DRICH1: variants seen among roughly 807,000 people sequenced by gnomAD.
The protein encoded by DRICH1 is aspartate-rich protein 1.
Under a neutral mutation model 39.5 loss-of-function variants are expected in DRICH1, and 38 were observed. The ratio of observed to expected loss-of-function variants is 0.96; its 90% CI spans 0.74 to 1.26. DRICH1 has a LOEUF of 1.26. DRICH1 is among the 50% of genes most tolerant of loss of function. DRICH1 has a pLI of 0.00. For missense variants in DRICH1, 279 were observed against 270.4 expected (o/e 1.03, Z -0.22); for synonymous variants, 84 against 99.5 (o/e 0.84, Z 0.93).
intron 2 of DRICH1, among the ~76,000 whole-genome samples, chr22:23,625,714 AT>A (rs746504238): frequency 2.0e-5 from 3 of 152,014 alleles, no homozygotes; most frequent in Non-Finnish European, 4.4e-5. Flanking sequence ...CTACCCAACA[AT>A]CGATGTGTGA....
At chr22:23,631,725 C>T (rs3747105) in intron 1 of DRICH1, 91 bp downstream of exon 1, 264,585 of 1,051,986 alleles carry the variant, frequency 0.25, 34,020 homozygotes, top group East Asian at 0.34. Context: ...GAGCTGGAAG[C>T]TGAGGATGTC....
chr22:23,621,446 C>A (rs142892813), intron 4 of DRICH1, among the ~76,000 whole-genome samples: 2,181 of 152,006 alleles, frequency 0.014, 59 homozygotes, highest in African/African-American at 0.049. Context: ...TAAAGCCCCT[C>A]CCCAACAATC....
At chr22:23,588,963 C>A in the DRICH1 span, among the ~76,000 whole-genome samples, 162 of 152,226 alleles carry the variant, frequency 1.1e-3, no homozygotes, top group Non-Finnish European at 1.7e-3. Flanking sequence ...CTAGCAACAT[C>A]ATGCTTCTGC....
At chr22:23,609,249 TTATC>T (rs1450783667) in intron 11 of DRICH1, among the ~76,000 whole-genome samples, 2 of 152,204 alleles carry the variant, frequency 1.3e-5, no homozygotes, top group Non-Finnish European at 2.9e-5. Context: ...CACTGACTGT[TTATC>T]TGTGGAGTCT....
chr22:23,604,594 T>C (rs1365548493), downstream of DRICH1, among the ~76,000 whole-genome samples: 1 of 152,110 alleles, frequency 6.6e-6, no homozygotes, highest in Non-Finnish European at 1.5e-5. Context: ...GTTTTAACCC[T>C]CCCCTGACAG....
At chr22:23,594,896 C>T in the DRICH1 span, among the ~76,000 whole-genome samples, 1 of 151,670 alleles carries the variant, frequency 6.6e-6, no homozygotes, top group South Asian at 2.1e-4. Flanking sequence ...GAGGGAGGAG[C>T]CCCTTTGAAA....
At chr22:23,619,186 A>G (rs1293345217) in intron 6 of DRICH1, among the ~76,000 whole-genome samples, 178 bp downstream of exon 6, 9 of 151,816 alleles carry the variant, frequency 5.9e-5, no homozygotes, top group Non-Finnish European at 8.8e-5. Context: ...AAAAAAAAAA[A>G]AAAGAAAAAG....
the DRICH1 span, among the ~76,000 whole-genome samples, chr22:23,587,187 C>T: frequency 6.6e-6 from 1 of 152,150 alleles, no homozygotes; most frequent in Admixed American, 6.5e-5. Flanking sequence ...TGCCGGGTGC[C>T]CCTCCCCCCA....
intron 8 of DRICH1, among the ~76,000 whole-genome samples, chr22:23,616,597 A>C (rs1228177239): frequency 6.6e-6 from 1 of 152,122 alleles, no homozygotes; most frequent in African/African-American, 2.4e-5. Context: ...AGAACCACCA[A>C]CATCAGGATA....
chr22:23,626,862 G>A (rs140513646), intron 1 of DRICH1, among the ~76,000 whole-genome samples: 5,073 of 152,108 alleles, frequency 0.033, 120 homozygotes, highest in Non-Finnish European at 0.051. Flanking sequence ...CCTTCCACTG[G>A]CCCATTACAG....
chr22:23,613,202 C>A (rs754110160), intron 11 of DRICH1, 87 bp downstream of exon 11: 25 of 945,876 alleles, frequency 2.6e-5, no homozygotes, highest in Non-Finnish European at 4.0e-5. Context: ...CCCCCTCCTT[C>A]AGCCCCTCCT....
In DRICH1 at chr22:23,631,958, G is replaced by A; in HGVS notation, c.66C>T (p.Pro22=). ...AAATATCAGTATCAGATTCATAACAGGGTGCGTCCTTCCCCCTGGGCCAGC... is the reference window on the plus strand; with the variant it reads ...AAATATCAGTATCAGATTCATAACAAGGTGCGTCCTTCCCCCTGGGCCAGC... ...HCGWPRGKDA[P]CYESDTDIYE... Residue 22 remains proline, a synonymous_variant, in exon 1 of 12, where the codon CCC becomes CCT. Transcript: ENST00000317749. 1 of 1,613,772 alleles carries A rather than the reference G, an allele frequency of 6.2e-7. No individual in the cohort carries two copies. Among genetic ancestry groups the A allele is most frequent in the Non-Finnish European group, 8.5e-7 (1 of 1,180,026 alleles).
chr22:23,620,520 C>T (rs2123781428), intron 5 of DRICH1, 74 bp downstream of exon 5: 3 of 1,514,534 alleles, frequency 2.0e-6, no homozygotes, highest in East Asian at 2.3e-5. Context: ...TTAACAGGAA[C>T]CCAGATTAAG....
Position 23,614,175 on chromosome 22 carries a change from C to T in DRICH1, c.581G>A (p.Arg194Lys). The part of the protein sequence containing the change: ...EDSLFLRCSL[R>K]HKDEEEEDDD... ...ATCTTCTTCTTCTTCATCTTTGTGTCTCAGTGAGCATCTTAAAAACAGGCT... is the reference window on the plus strand; with the variant it reads ...ATCTTCTTCTTCTTCATCTTTGTGTTTCAGTGAGCATCTTAAAAACAGGCT... The change falls in exon 9 of 12, where the codon AGA becomes AAA. Residue 194 changes from arginine to lysine, a missense_variant. Physicochemically the swap from Arg to Lys is conservative, Grantham distance 26 (BLOSUM62 2). Coordinates refer to ENST00000317749, the MANE Select transcript of DRICH1 (RefSeq NM_016449.4). 1.2e-6 allele frequency: 2 copies of T among 1,613,928 alleles called. No homozygotes were observed. The highest frequency in any genetic ancestry group is 1.7e-6 in the Non-Finnish European group (2 of 1,179,822).
At chr22:23,584,063 C>T in the DRICH1 span, among the ~76,000 whole-genome samples, 24,829 of 152,230 alleles carry the variant, frequency 0.16, 2,698 homozygotes, top group Non-Finnish European at 0.25. Context: ...CTTTCTGTGG[C>T]GGGAAATCTG....
chr22:23,603,224 T>TC, the DRICH1 span, among the ~76,000 whole-genome samples: 1 of 61,760 alleles, frequency 1.6e-5, no homozygotes, highest in East Asian at 1.1e-3. Context: ...ATTTTTATGA[T>TC]TTTTCATACA....
the DRICH1 span, among the ~76,000 whole-genome samples, chr22:23,592,273 A>G: frequency 6.6e-6 from 1 of 152,202 alleles, no homozygotes; most frequent in African/African-American, 2.4e-5. Flanking sequence ...AGCAGAACAA[A>G]TACAAGGGCA....
At chr22:23,592,100 C>T in the DRICH1 span, among the ~76,000 whole-genome samples, 7 of 152,156 alleles carry the variant, frequency 4.6e-5, no homozygotes, top group African/African-American at 1.2e-4. Flanking sequence ...AACACAGGAA[C>T]GCAATGGGGC....
chr22:23,622,314 G>A, intron 3 of DRICH1, 138 bp from the exon 4 acceptor site: 1 of 800,474 alleles, frequency 1.2e-6, no homozygotes. Flanking sequence ...ATTCCCCTGA[G>A]TGGAAGAGGG....
Sources: gnomAD v4.1 joint callset for allele counts (sites outside exome capture counted in the v4.1 genomes callset) on GRCh38, gnomAD v4.1.1 for gene constraint, MANE v1.5 for transcripts, NCBI Gene and HGNC (gene_info 2026-07-23, HGNC 2026-07-21) for gene names.